Variants in ZNF267 observed in about 807,000 individuals in gnomAD.
ZNF267 encodes zinc finger protein 267.
Under a neutral mutation model 71.6 loss-of-function variants are expected in ZNF267, and 61 were observed. The ratio of observed to expected loss-of-function variants is 0.85; its 90% CI spans 0.69 to 1.05. ZNF267 has a LOEUF of 1.05. ZNF267 is among the 50% of genes least tolerant of loss of function. The pLI is 0.00. For synonymous variants in ZNF267, 288 were observed against 293.2 expected (o/e 0.98, Z 0.18); for missense variants, 852 against 870.0 (o/e 0.98, Z 0.26).
intron 3 of ZNF267, among the ~76,000 whole-genome samples, chr16:31,900,531 GC>G (rs981231189): frequency 2.6e-5 from 4 of 151,994 alleles, no homozygotes; most frequent in African/African-American, 9.7e-5. Context: ...TGCAGGCTCC[GC>G]CTCCTGGGTT....
chr16:31,874,433 G>A (rs1374386519), intron 1 of ZNF267, among the ~76,000 whole-genome samples: 1 of 152,204 alleles, frequency 6.6e-6, no homozygotes, highest in Non-Finnish European at 1.5e-5. Context: ...CTGCAGTCCT[G>A]GTTTGTGGTT....
intron 3 of ZNF267, among the ~76,000 whole-genome samples, chr16:31,911,471 T>C (rs2084134848): frequency 6.6e-6 from 1 of 151,758 alleles, no homozygotes; most frequent in Non-Finnish European, 1.5e-5. Context: ...CTGATGTAAG[T>C]ATAGCTACTT....
chr16:31,900,967 C>T (rs960117114), intron 3 of ZNF267, among the ~76,000 whole-genome samples: 9 of 152,050 alleles, frequency 5.9e-5, no homozygotes, highest in South Asian at 4.2e-4. Flanking sequence ...CACCCCACAA[C>T]GGGCCCCAGT....
At chr16:31,887,656 A>C (rs2083933177) in intron 3 of ZNF267, among the ~76,000 whole-genome samples, 1 of 152,096 alleles carries the variant, frequency 6.6e-6, no homozygotes, top group Non-Finnish European at 1.5e-5. Context: ...CCCTTTGTGT[A>C]TCTTGGTGCC....
chr16:31,882,845 G>A (rs762315473), intron 1 of ZNF267, among the ~76,000 whole-genome samples: 1 of 152,104 alleles, frequency 6.6e-6, no homozygotes, highest in African/African-American at 2.4e-5. Context: ...AGATTCCTTC[G>A]CTATAAAGTT....
chr16:31,874,505 A>G (rs1053347372), intron 1 of ZNF267, among the ~76,000 whole-genome samples: 2 of 152,216 alleles, frequency 1.3e-5, no homozygotes, highest in African/African-American at 2.4e-5. Context: ...AAGCAGACCA[A>G]ATTAACCGAT....
chr16:31,899,170 G>C, intron 3 of ZNF267, among the ~76,000 whole-genome samples: 1 of 152,108 alleles, frequency 6.6e-6, no homozygotes, highest in South Asian at 2.1e-4. Context: ...GTCAGCTCTG[G>C]ACCAAGCAGA....
chr16:31,879,078 C>T (rs1464820510), intron 1 of ZNF267, among the ~76,000 whole-genome samples: 2 of 152,144 alleles, frequency 1.3e-5, no homozygotes, highest in African/African-American at 4.8e-5. Context: ...TACTGCCTTT[C>T]TCTAGGAACT....
intron 1 of ZNF267, among the ~76,000 whole-genome samples, chr16:31,876,120 G>A (rs116445656): frequency 0.018 from 2,794 of 152,278 alleles, 95 homozygotes; most frequent in African/African-American, 0.064. Flanking sequence ...GAATTACATA[G>A]TTTCATCAAA....
chr16:31,879,193 A>C (rs2083873558), intron 1 of ZNF267, among the ~76,000 whole-genome samples: 1 of 152,244 alleles, frequency 6.6e-6, no homozygotes, highest in South Asian at 2.1e-4. Flanking sequence ...TCTGCCTGTC[A>C]TAAAGACATG....
Position 31,873,831 on chromosome 16 carries a change from A to C in ZNF267, c.-136A>C. ...CAGTTAGAGCTCGGGTCTCCTCGCC[A>C]CAGCTCCGAGTCTTTCGTTCTGGGA... On this transcript the variant is annotated 5_prime_UTR_variant, in exon 1 of 4. Coordinates refer to ENST00000300870, the MANE Select transcript of ZNF267 (RefSeq NM_003414.6). 7.9e-7 allele frequency: 1 copy of C among 1,272,412 alleles called. No individual in the cohort carries two copies. The highest frequency in any genetic ancestry group is 1.1e-6 in the Non-Finnish European group (1 of 882,136). The allele number at this position is 1,272,412 out of a possible 1,614,324, so 78.8% of individuals were successfully genotyped here.
intron 3 of ZNF267, chr16:31,894,675 T>C: frequency 2.1e-6 from 1 of 481,910 alleles, no homozygotes; most frequent in South Asian, 1.6e-5. Flanking sequence ...TCTTCATCAC[T>C]GTCATCCTGA....
intron 3 of ZNF267, among the ~76,000 whole-genome samples, chr16:31,905,185 G>C (rs2084078177): frequency 6.6e-6 from 1 of 152,212 alleles, no homozygotes; most frequent in African/African-American, 2.4e-5. Context: ...CCCTTTGTGG[G>C]TAACCTGACC....
chr16:31,893,786 A>C (rs911195048), intron 3 of ZNF267, among the ~76,000 whole-genome samples: 1 of 152,188 alleles, frequency 6.6e-6, no homozygotes, highest in African/African-American at 2.4e-5. Context: ...TATATATAGA[A>C]CCACAGATAG....
In ZNF267 at chr16:31,915,654, T is replaced by C; in HGVS notation, c.1405T>C (p.Cys469Arg). 1 of 1,613,952 alleles carries C rather than the reference T, an allele frequency of 6.2e-7. No homozygotes were observed. The highest frequency in any genetic ancestry group is 8.5e-7 in the Non-Finnish European group (1 of 1,179,982). Residue 469 changes from cysteine (C) to arginine (R), a missense_variant, in exon 4 of 4, where the codon TGT becomes CGT. Coordinates refer to ENST00000300870, the MANE Select transcript of ZNF267 (RefSeq NM_003414.6). ...TGEKLYKCKV[C>R]SKSYARSSNL... ...AGAAAAACTTTACAAATGTAAAGTA[T>C]GTAGCAAATCTTATGCTCGTTCTTC... is the stretch of plus-strand genomic sequence containing the variant.
In ZNF267 at chr16:31,915,383, C is replaced by A. The variant is rs761464785; in HGVS notation, c.1134C>A (p.Asn378Lys). 12 of 1,613,340 alleles carry A rather than the reference C, an allele frequency of 7.4e-6. No homozygotes were observed. Among genetic ancestry groups the A allele is most frequent in the African/African-American group, 1.3e-5 (1 of 74,880 alleles). The change falls in exon 4 of 4, where the codon AAC becomes AAA. Residue 378 changes from asparagine (N) to lysine (K), a missense_variant. Asn to Lys is a moderately conservative substitution (Grantham distance 94). Coordinates refer to ENST00000300870, the MANE Select transcript of ZNF267 (RefSeq NM_003414.6). ...TKQQQIDTGENLYKCKACSKS... is the reference protein window; with the variant it reads ...TKQQQIDTGEKLYKCKACSKS... Reference sequence around the variant, plus strand: ...AGCAGCAAATTGATACTGGAGAAAACCTTTACAAATGTAAAGCATGTAGCA... The same window carrying A: ...AGCAGCAAATTGATACTGGAGAAAAACTTTACAAATGTAAAGCATGTAGCA...
At chr16:31,899,215 T>C (rs2084021107) in intron 3 of ZNF267, among the ~76,000 whole-genome samples, 1 of 152,192 alleles carries the variant, frequency 6.6e-6, no homozygotes, top group African/African-American at 2.4e-5. Flanking sequence ...CCAACCCAAG[T>C]CAACAGAATA....
intron 3 of ZNF267, chr16:31,913,193 T>C (rs1310725933): frequency 6.6e-6 from 1 of 152,204 alleles, no homozygotes; most frequent in African/African-American, 2.4e-5. Context: ...TCAATAACGT[T>C]GTTCTTGCAG....
intron 3 of ZNF267, chr16:31,890,128 T>A (rs1010361888): frequency 1.3e-5 from 2 of 152,246 alleles, no homozygotes; most frequent in Non-Finnish European, 2.9e-5. Context: ...ATTGTCTATT[T>A]AGTTTATGGT....
Sources: gnomAD v4.1 joint callset for allele counts (sites outside exome capture counted in the v4.1 genomes callset) on GRCh38, gnomAD v4.1.1 for gene constraint, MANE v1.5 for transcripts, NCBI Gene and HGNC (gene_info 2026-07-23, HGNC 2026-07-21) for gene names.